STAU2: variants seen among roughly 807,000 people sequenced by gnomAD.
The protein encoded by STAU2 is staufen double-stranded RNA binding protein 2.
In STAU2, 20 loss-of-function variants were observed where a neutral mutation model predicts 65.9. That is an observed-to-expected ratio of 0.30 (90% CI 0.21 to 0.44). STAU2 has a LOEUF of 0.44. Among genes scored for constraint, STAU2 ranks in the 20% least tolerant of loss-of-function variants. The pLI, the probability that STAU2 is intolerant of heterozygous loss-of-function variation, is 1.00. For synonymous variants in STAU2, 232 were observed against 233.9 expected, an observed-to-expected ratio of 0.99 and a Z score of 0.07; for missense variants, 558 against 683.9, an observed-to-expected ratio of 0.82 and a Z score of 2.05.
intron 13 of STAU2, among the ~76,000 whole-genome samples, chr8:73,531,547 C>T (rs887457056): frequency 6.6e-6 from 1 of 152,066 alleles, no homozygotes; most frequent in African/African-American, 2.4e-5. Flanking sequence ...CATACTCAAC[C>T]AATGACTCAT....
intron 3 of STAU2, among the ~76,000 whole-genome samples, chr8:73,732,176 T>C (rs551449362): frequency 5.9e-5 from 9 of 152,298 alleles, no homozygotes; most frequent in Admixed American, 4.6e-4. Context: ...GAGGCCTCAG[T>C]TCCTTGTTGG....
intron 4 of STAU2, among the ~76,000 whole-genome samples, chr8:73,690,279 A>G (rs1819234915): frequency 7.1e-6 from 1 of 141,476 alleles, no homozygotes; most frequent in Non-Finnish European, 1.5e-5. Flanking sequence ...CAGTGAGCCG[A>G]GATTGCGCCA....
chr8:73,564,314 A>C (rs898705773), intron 12 of STAU2, among the ~76,000 whole-genome samples: 2 of 152,248 alleles, frequency 1.3e-5, no homozygotes, highest in Non-Finnish European at 2.9e-5. Context: ...GCCATAAAAA[A>C]GAATGAGATC....
At chr8:73,581,884 A>ATC (rs1563437531) in intron 12 of STAU2, among the ~76,000 whole-genome samples, 1 of 152,204 alleles carries the variant, frequency 6.6e-6, no homozygotes, top group Non-Finnish European at 1.5e-5. Context: ...AGCCACTAAT[A>ATC]TCAAAGACTA....
intron 6 of STAU2, among the ~76,000 whole-genome samples, chr8:73,671,155 G>A (rs542014752): frequency 3.3e-5 from 5 of 152,214 alleles, no homozygotes; most frequent in East Asian, 3.9e-4. Flanking sequence ...TGATGGCCAC[G>A]TGAGGTGGCT....
At chr8:73,620,539 G>A (rs1404401813) in intron 6 of STAU2, among the ~76,000 whole-genome samples, 1 of 152,134 alleles carries the variant, frequency 6.6e-6, no homozygotes. Context: ...ACAATCTGCT[G>A]ATTTTCTGGC....
chr8:73,728,536 T>C (rs913684327), intron 3 of STAU2, among the ~76,000 whole-genome samples: 10 of 151,794 alleles, frequency 6.6e-5, no homozygotes, highest in African/African-American at 2.4e-4. Flanking sequence ...TTGGACAGTA[T>C]TGCCATCCTA....
intron 9 of STAU2, among the ~76,000 whole-genome samples, chr8:73,610,161 G>A (rs1436882192): frequency 6.6e-6 from 1 of 151,756 alleles, no homozygotes; most frequent in Non-Finnish European, 1.5e-5. Flanking sequence ...TGTGCCTGTA[G>A]TCCCAACTAC....
intron 5 of STAU2, among the ~76,000 whole-genome samples, chr8:73,686,979 G>A (rs561094208): frequency 5.4e-5 from 8 of 148,458 alleles, no homozygotes; most frequent in Middle Eastern, 3.6e-3. Context: ...TGAAACCTCC[G>A]CCTGCCAGGT....
intron 6 of STAU2, among the ~76,000 whole-genome samples, chr8:73,621,425 G>A (rs569953519): frequency 3.3e-5 from 5 of 152,196 alleles, no homozygotes; most frequent in African/African-American, 1.2e-4. Flanking sequence ...GTTCAGTCTC[G>A]GGTATTTCTT....
At chr8:73,559,900 T>C (rs560135970) in intron 12 of STAU2, among the ~76,000 whole-genome samples, 2 of 151,972 alleles carry the variant, frequency 1.3e-5, no homozygotes, top group African/African-American at 4.8e-5. Context: ...AAATCAACAA[T>C]GCAAAATATA....
At chr8:73,747,251 TC>T, upstream of STAU2, 1 of 1,067,736 alleles carries the variant, frequency 9.4e-7, no homozygotes, top group Non-Finnish European at 1.3e-6. Context: ...CCGGCGCGAC[TC>T]CCCGCCCCCT....
chr8:73,701,573 G>A (rs1820105574), intron 4 of STAU2, among the ~76,000 whole-genome samples: 1 of 152,082 alleles, frequency 6.6e-6, no homozygotes, highest in South Asian at 2.1e-4. Context: ...CCAAAAGTCA[G>A]GCAATAATAA....
chr8:73,563,290 T>C (rs1808369997), intron 12 of STAU2, among the ~76,000 whole-genome samples: 1 of 152,088 alleles, frequency 6.6e-6, no homozygotes, highest in South Asian at 2.1e-4. Flanking sequence ...GACACTAAAC[T>C]TCTACCCCCA....
At chr8:73,565,838 C>T (rs1808562988) in intron 12 of STAU2, among the ~76,000 whole-genome samples, 1 of 152,142 alleles carries the variant, frequency 6.6e-6, no homozygotes, top group East Asian at 1.9e-4. Flanking sequence ...GAGAACTTAA[C>T]TCTTGTTTAT....
At chr8:73,742,317 G>A (rs1256886928) in intron 1 of STAU2, 1 of 795,564 alleles carries the variant, frequency 1.3e-6, no homozygotes, top group Non-Finnish European at 1.5e-6. Flanking sequence ...CGGATCACCT[G>A]AGGTCAGGAG....
At chr8:73,428,518 C>T (rs1817005975) in intron 13 of STAU2, among the ~76,000 whole-genome samples, 1 of 151,996 alleles carries the variant, frequency 6.6e-6, no homozygotes, top group South Asian at 2.1e-4. Context: ...AGCACCATCA[C>T]AGAGGGCTAC....
rs1345781023 is a variant in STAU2, at chr8:73,651,313, G to A, written c.410+21794C>T. The stretch of plus-strand genomic sequence containing the variant: ...GTGTCCACACAGCCTTCACCACGGA[G>A]CAGGTCCGTGGCTTGGAGGGCATCT... On this transcript the variant is annotated intron_variant, in intron 6 of 14. Coordinates refer to ENST00000524300, the MANE Select transcript of STAU2 (RefSeq NM_001164380.2). The A allele has an allele frequency of 7.4e-6, 5 of 676,678 alleles. No individual in the cohort carries two copies. The African/African-American group carries it at 8.7e-5, about 12-fold the overall frequency. The allele number at this position is 676,678 out of a possible 1,614,324, so 41.9% of individuals were successfully genotyped here. A position where few individuals can be genotyped will look rare whatever the true frequency, so the allele number is the denominator to read the frequency against.
At chr8:73,657,034 T>C (rs1816431740) in intron 6 of STAU2, among the ~76,000 whole-genome samples, 1 of 152,232 alleles carries the variant, frequency 6.6e-6, no homozygotes, top group African/African-American at 2.4e-5. Flanking sequence ...ATAACAGTTA[T>C]GAATACCTAT....
Sources: gnomAD v4.1 joint callset for allele counts (sites outside exome capture counted in the v4.1 genomes callset) on GRCh38, gnomAD v4.1.1 for gene constraint, MANE v1.5 for transcripts, NCBI Gene and HGNC (gene_info 2026-07-23, HGNC 2026-07-21) for gene names.